Variants in HIP1 observed in about 807,000 individuals in gnomAD.
HIP1 encodes the protein huntingtin interacting protein 1.
Under a neutral mutation model 147.6 loss-of-function variants are expected in HIP1, and 65 were observed. That is an observed-to-expected ratio of 0.44 (90% CI 0.36 to 0.54). The LOEUF is 0.54. Among genes scored for constraint, HIP1 ranks in the 20% least tolerant of loss-of-function variants. HIP1 has a pLI of 0.00. For missense variants in HIP1, 1,061 were observed against 1,299.6 expected (o/e 0.82, Z 2.82); for synonymous variants, 479 against 504.0 (o/e 0.95, Z 0.67).
At chr7:75,622,025 T>C (rs1797860828) in intron 1 of HIP1, among the ~76,000 whole-genome samples, 1 of 152,168 alleles carries the variant, frequency 6.6e-6, no homozygotes, top group Non-Finnish European at 1.5e-5. Context: ...GGCTCACACC[T>C]GTAATCCCAG....
Position 75,555,480 on chromosome 7 carries a change from C to G in HIP1, c.1899G>C (p.Gln633His). The change falls in exon 19 of 31, where the codon CAG becomes CAC. Residue 633 changes from glutamine to histidine, a missense_variant. Physicochemically the swap from Gln to His is conservative, Grantham distance 24. Coordinates refer to ENST00000336926, the MANE Select transcript of HIP1 (RefSeq NM_005338.7). ...GCTGGTTCAGGGCGTCTTGTATCAC[C>G]TGCTCCGCAGCCTTCCTGGACCCCA... ...LLVGSRKAAE[Q>H]VIQDALNQLE... is the part of the protein sequence containing the mutation. The G allele has an allele frequency of 6.2e-7, 1 of 1,614,232 alleles. No individual in the cohort carries two copies. The highest frequency in any genetic ancestry group is 8.5e-7 in the Non-Finnish European group (1 of 1,180,048).
intron 1 of HIP1, among the ~76,000 whole-genome samples, chr7:75,672,425 C>T (rs782664662): frequency 8.6e-5 from 13 of 151,738 alleles, no homozygotes; most frequent in Non-Finnish European, 1.3e-4. Context: ...TGCCTGGGAT[C>T]AAGTGATCCT....
chr7:75,672,644 C>T (rs1799759998), intron 1 of HIP1, among the ~76,000 whole-genome samples: 1 of 152,088 alleles, frequency 6.6e-6, no homozygotes, highest in Non-Finnish European at 1.5e-5. Flanking sequence ...ACATTCTCGA[C>T]AGTGTCCTTT....
At chr7:75,688,019 C>T (rs1238602511) in intron 1 of HIP1, among the ~76,000 whole-genome samples, 1 of 152,086 alleles carries the variant, frequency 6.6e-6, no homozygotes, top group Non-Finnish European at 1.5e-5. Context: ...GCTTATCCTC[C>T]CCAACTAGAA....
intron 1 of HIP1, among the ~76,000 whole-genome samples, chr7:75,602,511 T>C (rs1335293694): frequency 2.3e-5 from 3 of 128,896 alleles, no homozygotes; most frequent in African/African-American, 9.0e-5. Context: ...TTTTTTTTTT[T>C]TTTTTTTTTT....
rs549314076 is a variant in HIP1 at position 75,719,341 on chromosome 7, A to G, written c.120+19460T>C. On this transcript the variant is annotated intron_variant, in intron 1 of 30. Coordinates refer to ENST00000336926, the MANE Select transcript of HIP1 (RefSeq NM_005338.7). The stretch of plus-strand genomic sequence containing the variant: ...AACACGGTGAAACCCCGTCTCTACT[A>G]AAAATACAAAAAATTAGCCAGGCAA... 3.6e-4 allele frequency among the ~76,000 whole-genome samples: 55 copies of G among 151,996 alleles called. No homozygotes were observed. In the South Asian group the frequency reaches 6.2e-3, roughly 17 times the overall value.
intron 1 of HIP1, among the ~76,000 whole-genome samples, chr7:75,706,591 C>T (rs1473441989): frequency 6.9e-6 from 1 of 145,000 alleles, no homozygotes; most frequent in African/African-American, 2.6e-5. Context: ...TATACACGTG[C>T]CATGTTGGTT....
intron 1 of HIP1, among the ~76,000 whole-genome samples, chr7:75,709,344 C>T (rs1801097727): frequency 6.6e-6 from 1 of 152,066 alleles, no homozygotes; most frequent in Non-Finnish European, 1.5e-5. Context: ...AACTCCTGAC[C>T]TCAGGTGATC....
rs1304436002 is a variant in HIP1 at position 75,664,144 on chromosome 7, A to T, written c.121-64897T>A. ...TATGCACACACATGTGTGTACATAC[A>T]TACATGTATGTGTGTATATTTACAT... is the stretch of plus-strand genomic sequence containing the variant. On this transcript the variant is annotated intron_variant, in intron 1 of 30. Transcript: ENST00000336926. Among the ~76,000 whole-genome samples the T allele has an allele frequency of 4.4e-5, 2 of 45,370 alleles. 1 individual carries two copies. The highest frequency in any genetic ancestry group is 2.8e-4 in the African/African-American group (2 of 7,264). The allele number at this position is 45,370 out of a possible 152,430, so 29.8% of individuals were successfully genotyped here. A position where few individuals can be genotyped will look rare whatever the true frequency, so the allele number is the denominator to read the frequency against.
chr7:75,558,375 C>A, intron 14 of HIP1, 120 bp from the exon 15 acceptor site: 2 of 784,640 alleles, frequency 2.5e-6, no homozygotes, highest in Non-Finnish European at 4.4e-6. Flanking sequence ...CTTGCTCTGT[C>A]ACCCAGGCTG....
intron 4 of HIP1, among the ~76,000 whole-genome samples, chr7:75,587,099 C>T (rs1796317748): frequency 6.6e-6 from 1 of 152,134 alleles, no homozygotes. Context: ...CACCACCACG[C>T]CTGGTCAATT....
At chr7:75,547,869 T>G in intron 23 of HIP1, 56 bp from the exon 24 acceptor site, 1 of 1,458,108 alleles carries the variant, frequency 6.9e-7, no homozygotes, top group Non-Finnish European at 9.6e-7. Context: ...GATCCACTAA[T>G]GTCTTACTAT....
chr7:75,601,936 T>TAA (rs71519372), intron 1 of HIP1, among the ~76,000 whole-genome samples: 5 of 145,752 alleles, frequency 3.4e-5, no homozygotes, highest in Non-Finnish European at 3.0e-5. Context: ...AATGAAAGGT[T>TAA]AAAAAAAAAA....
chr7:75,561,460 T>A, intron 12 of HIP1, 59 bp from the exon 13 acceptor site: 1 of 1,122,878 alleles, frequency 8.9e-7, no homozygotes, highest in Non-Finnish European at 1.4e-6. Context: ...CTGTTTTTAA[T>A]TGTGAGCTCA....
intron 1 of HIP1, among the ~76,000 whole-genome samples, chr7:75,609,618 C>T (rs868908119): frequency 5.3e-5 from 8 of 151,344 alleles, no homozygotes; most frequent in South Asian, 2.1e-4. Context: ...AGTGCAGTGG[C>T]GCAATCTCGG....
chr7:75,549,059 G>A, intron 22 of HIP1, 58 bp from the exon 23 acceptor site: 1 of 1,229,978 alleles, frequency 8.1e-7, no homozygotes, highest in Non-Finnish European at 1.2e-6. Context: ...CTTCTCCTCT[G>A]CCATCTGTAA....
chr7:75,688,998 T>G (rs1448522920), intron 1 of HIP1, among the ~76,000 whole-genome samples: 1 of 152,116 alleles, frequency 6.6e-6, no homozygotes, highest in East Asian at 1.9e-4. Context: ...CACCATGATG[T>G]GAAAGCAAAC....
At chr7:75,659,602 T>C (rs1356093812) in intron 1 of HIP1, among the ~76,000 whole-genome samples, 1 of 151,702 alleles carries the variant, frequency 6.6e-6, no homozygotes, top group Non-Finnish European at 1.5e-5. Flanking sequence ...AGAGCCAAGA[T>C]TGCGCCACTG....
intron 1 of HIP1, among the ~76,000 whole-genome samples, chr7:75,686,592 G>C (rs1800268295): frequency 6.6e-6 from 1 of 152,080 alleles, no homozygotes; most frequent in African/African-American, 2.4e-5. Context: ...AAGGAGATAA[G>C]GAAGGAGAGA....
Sources: allele counts gnomAD v4.1 joint callset (sites outside exome capture counted in the v4.1 genomes callset), GRCh38; gene constraint gnomAD v4.1.1; transcripts MANE v1.5; gene names NCBI Gene and HGNC (gene_info 2026-07-23, HGNC 2026-07-21).